Variants in ADSS2 observed in about 807,000 individuals in gnomAD.
ADSS2 encodes the protein adenylosuccinate synthase 2.
In ADSS2, 30 loss-of-function variants were observed where a neutral mutation model predicts 60.0. The observed-to-expected ratio is 0.50, with a 90% CI of 0.37 to 0.68. The LOEUF (loss-of-function observed/expected upper bound fraction) is 0.68, where lower values mean the gene tolerates loss of function less well. Among genes scored for constraint, ADSS2 ranks in the 30% least tolerant of loss-of-function variants. ADSS2 has a pLI of 0.00. For synonymous variants in ADSS2, 187 were observed against 193.1 expected (o/e 0.97, Z 0.26); for missense variants, 373 against 554.8 (o/e 0.67, Z 3.29).
chr1:244,451,722 C>G lies in ADSS2; in HGVS notation c.96G>C (p.Val32=). 1 of 1,610,854 alleles carries G rather than the reference C, an allele frequency of 6.2e-7. No homozygotes were observed. Among genetic ancestry groups the G allele is most frequent in the Non-Finnish European group, 8.5e-7 (1 of 1,178,730 alleles). The change falls in exon 1 of 13, where the codon GTG becomes GTC. Residue 32 remains valine (V), a synonymous_variant. Coordinates refer to ENST00000366535, the MANE Select transcript of ADSS2 (RefSeq NM_001126.5). The surrounding 1 kb of genome is among the most constrained non-coding windows in gnomAD (Gnocchi z 6.6). ...RARPGGNRVT[V]VLGAQWGDEG... ...CGTCGCCCCACTGCGCACCGAGCACCACCGTCACCCGGTTTCCTCCGGGCC... is the reference window on the plus strand; with the variant it reads ...CGTCGCCCCACTGCGCACCGAGCACGACCGTCACCCGGTTTCCTCCGGGCC...
chr1:244,449,601 CAA>C (rs754976716), intron 1 of ADSS2, among the ~76,000 whole-genome samples: 1 of 152,156 alleles, frequency 6.6e-6, no homozygotes, highest in South Asian at 2.1e-4. Flanking sequence ...AGGTAAATCA[CAA>C]AAGAGATAAT....
chr1:244,423,868 C>T (rs749471591), intron 6 of ADSS2, 85 bp downstream of exon 6: 7 of 1,017,752 alleles, frequency 6.9e-6, no homozygotes, highest in Non-Finnish European at 8.6e-6. Flanking sequence ...AACTAGAATA[C>T]CGACTGTATC....
chr1:244,439,924 C>A (rs962163689), intron 1 of ADSS2, among the ~76,000 whole-genome samples: 1 of 152,178 alleles, frequency 6.6e-6, no homozygotes, highest in East Asian at 1.9e-4. Flanking sequence ...TCTACTGTGA[C>A]AAGGGCAGCA....
intron 4 of ADSS2, among the ~76,000 whole-genome samples, chr1:244,427,732 T>C (rs1664840674): frequency 6.6e-6 from 1 of 152,184 alleles, no homozygotes; most frequent in African/African-American, 2.4e-5. Flanking sequence ...GATATTGTGG[T>C]ATTAACAATC....
At chr1:244,431,034 A>C (rs935012295) in intron 4 of ADSS2, among the ~76,000 whole-genome samples, 5 of 152,006 alleles carry the variant, frequency 3.3e-5, no homozygotes, top group South Asian at 4.1e-4. Context: ...CAGAAGAATC[A>C]CTTGAACCCG....
chr1:244,424,712 C>T (rs1347120173), intron 4 of ADSS2: 3 of 229,802 alleles, frequency 1.3e-5, no homozygotes. Flanking sequence ...TTCTGGACTC[C>T]AAGAATCTAG....
rs759181717 is a variant in ADSS2, at chr1:244,414,404, C to T, written c.1168+1577G>A. Among the ~76,000 whole-genome samples the T allele has an allele frequency of 4.2e-4, 64 of 152,260 alleles. 1 individual carries two copies. Among genetic ancestry groups the T allele is most frequent in the Admixed American group, 8.5e-4 (13 of 15,292 alleles). On this transcript the variant is annotated intron_variant, in intron 11 of 12. Coordinates refer to ENST00000366535, the MANE Select transcript of ADSS2 (RefSeq NM_001126.5). ...TAGAGAAGAGAGCTAAATGGAAATT[C>T]TAGAAATAAAAATTCACCAGTGGGT...
chr1:244,439,296 T>A (rs1259892908), intron 1 of ADSS2, among the ~76,000 whole-genome samples: 5 of 152,196 alleles, frequency 3.3e-5, no homozygotes, highest in African/African-American at 1.2e-4. Flanking sequence ...CATACATTAG[T>A]CTTCAAAGAG....
chr1:244,420,619 A>T (rs996539715), intron 7 of ADSS2, among the ~76,000 whole-genome samples: 7 of 152,366 alleles, frequency 4.6e-5, no homozygotes, highest in African/African-American at 1.7e-4. Flanking sequence ...AAATAAAAAT[A>T]AATGACTATA....
At position 244,451,730 on chromosome 1, in the gene ADSS2, C is replaced by A; in HGVS notation, c.88G>T (p.Val30Leu). ...RPRARPGGNR[V>L]TVVLGAQWGD... ...CACTGCGCACCGAGCACCACCGTCA[C>A]CCGGTTTCCTCCGGGCCGCGCCCTG... The change falls in exon 1 of 13, where the codon GTG (valine) becomes TTG (leucine). Residue 30 changes from valine to leucine, a missense_variant. By Grantham distance (32) the Val-to-Leu change is conservative. Around this residue, in one of 5 missense-constraint regions of ADSS2, gnomAD observed 47 missense variants for 48.3 expected, o/e 0.97. Transcript: ENST00000366535. The surrounding 1 kb of genome is among the most constrained non-coding windows in gnomAD (Gnocchi z 6.6). 1 of 1,610,288 alleles carries A rather than the reference C, an allele frequency of 6.2e-7. No individual in the cohort carries two copies. Among genetic ancestry groups the A allele is most frequent in the Non-Finnish European group, 8.5e-7 (1 of 1,178,560 alleles).
intron 8 of ADSS2, among the ~76,000 whole-genome samples, chr1:244,419,508 TA>T (rs1186276854): frequency 1.3e-5 from 2 of 152,204 alleles, no homozygotes; most frequent in Non-Finnish European, 2.9e-5. Context: ...CATACTATGG[TA>T]TCAAAAATAC....
At chr1:244,426,556 A>G (rs1195490844) in intron 4 of ADSS2, among the ~76,000 whole-genome samples, 1 of 152,208 alleles carries the variant, frequency 6.6e-6, no homozygotes, top group African/African-American at 2.4e-5. Context: ...AAAAACCATC[A>G]TAACTGTGCA....
intron 8 of ADSS2, 143 bp from the exon 9 acceptor site, chr1:244,419,057 G>C (rs1664614386): frequency 1.3e-6 from 1 of 767,268 alleles, no homozygotes; most frequent in East Asian, 3.0e-5. Context: ...AAGACTCAGT[G>C]TTTTACTTTT....
At chr1:244,425,211 T>C (rs1664776929) in intron 4 of ADSS2, among the ~76,000 whole-genome samples, 1 of 152,208 alleles carries the variant, frequency 6.6e-6, no homozygotes, top group Non-Finnish European at 1.5e-5. Flanking sequence ...AGATGGTTTA[T>C]AGAAGAGGCA....
chr1:244,444,743 T>G (rs1392638884), intron 1 of ADSS2, among the ~76,000 whole-genome samples: 3 of 152,096 alleles, frequency 2.0e-5, no homozygotes, highest in African/African-American at 4.8e-5. Context: ...ATTATTTTAA[T>G]TAAGGTTAAA....
chr1:244,437,362 T>A (rs1417949529), intron 2 of ADSS2, among the ~76,000 whole-genome samples: 1 of 152,140 alleles, frequency 6.6e-6, no homozygotes, highest in African/African-American at 2.4e-5. Flanking sequence ...GTTGAAAGTA[T>A]TTGTGGAAAA....
chr1:244,444,340 C>A (rs957748257), intron 1 of ADSS2, among the ~76,000 whole-genome samples: 2 of 146,670 alleles, frequency 1.4e-5, no homozygotes, highest in African/African-American at 5.3e-5. Context: ...ACGGTGAAAC[C>A]CCGTCTCTAC....
intron 4 of ADSS2, among the ~76,000 whole-genome samples, chr1:244,429,445 T>C (rs1315782116): frequency 2.6e-5 from 4 of 152,220 alleles, no homozygotes; most frequent in Non-Finnish European, 5.9e-5. Flanking sequence ...TACAGAACTG[T>C]CCGTTCAGTG....
At chr1:244,430,888 A>G (rs1664925973) in intron 4 of ADSS2, among the ~76,000 whole-genome samples, 1 of 152,168 alleles carries the variant, frequency 6.6e-6, no homozygotes, top group Non-Finnish European at 1.5e-5. Context: ...TTGGGCGGCC[A>G]AGGTAGGCAG....
Sources: gnomAD v4.1 joint callset for allele counts (sites outside exome capture counted in the v4.1 genomes callset) on GRCh38, gnomAD v4.1.1 for gene constraint, gnomAD v4.1.1 regional missense constraint, Gnocchi (gnomAD v3.1) non-coding constraint, MANE v1.5 for transcripts, NCBI Gene and HGNC (gene_info 2026-07-23, HGNC 2026-07-21) for gene names.